The following CDCP2 variants were observed in gnomAD, a reference collection of about 807,000 sequenced individuals.
CDCP2 encodes CUB domain-containing protein 2.
Under a neutral mutation model 31.0 loss-of-function variants are expected in CDCP2, and 31 were observed. The ratio of observed to expected loss-of-function variants is 1.00; its 90% confidence interval spans 0.75 to 1.35. The LOEUF (loss-of-function observed/expected upper bound fraction) is 1.35. CDCP2 is among the 40% of genes most tolerant of loss of function. CDCP2 has a pLI of 0.00. For missense variants in CDCP2, 443 were observed against 482.6 expected, an observed-to-expected ratio of 0.92 and a Z score of 0.77; for synonymous variants, 206 against 207.9, an observed-to-expected ratio of 0.99 and a Z score of 0.08.
intron 1 of CDCP2, among the ~76,000 whole-genome samples, chr1:54,151,289 G>A (rs1005200150): frequency 1.3e-5 from 2 of 152,212 alleles, no homozygotes; most frequent in Admixed American, 1.3e-4. Context: ...CTGCACAGAT[G>A]CACATTATCA....
intron 2 of CDCP2, 134 bp downstream of exon 2, chr1:54,144,332 C>A: frequency 3.9e-6 from 3 of 778,740 alleles, no homozygotes; most frequent in Non-Finnish European, 6.0e-6. Context: ...CATCTCCACC[C>A]CAGGGCCAGC....
intron 2 of CDCP2, chr1:54,143,896 G>C (rs571067252): frequency 6.6e-6 from 1 of 152,428 alleles, no homozygotes; most frequent in East Asian, 1.9e-4. Flanking sequence ...GGTTGAAGGA[G>C]AGAGGGGTTA....
At chr1:54,139,651 G>T in intron 4 of CDCP2, 102 bp downstream of exon 4, 1 of 1,613,604 alleles carries the variant, frequency 6.2e-7, no homozygotes, top group Non-Finnish European at 8.5e-7. Context: ...TTCATGGGGG[G>T]GGCAGGACAA....
chr1:54,146,039 A>G (rs2100429615), intron 1 of CDCP2, among the ~76,000 whole-genome samples: 1 of 152,306 alleles, frequency 6.6e-6, no homozygotes, highest in African/African-American at 2.4e-5. Flanking sequence ...AACCACAACA[A>G]CATCTTAAAG....
At chr1:54,139,782 C>A (rs759128689) in exon 4 of CDCP2, 3 of 1,614,162 alleles carry the variant, frequency 1.9e-6, no homozygotes, top group Non-Finnish European at 2.5e-6. Flanking sequence ...GAAGCCCCTG[C>A]GGGTGGTGCT....
chr1:54,141,539 T>G, intron 2 of CDCP2, 106 bp from the exon 3 acceptor site: 1 of 950,506 alleles, frequency 1.1e-6, no homozygotes, highest in Non-Finnish European at 1.6e-6. Flanking sequence ...GGTATCTCAT[T>G]AGGGCCTCAT....
At chr1:54,133,913 C>CAAACAAACAAAAAAA (rs748829165) in intron 5 of CDCP2, among the ~76,000 whole-genome samples, 4 of 144,878 alleles carry the variant, frequency 2.8e-5, no homozygotes, top group Admixed American at 6.9e-5. Context: ...AACAAACAAA[C>CAAACAAACAAAAAAA]AAAAAAAACC....
At chr1:54,148,342 C>G (rs1659511144) in intron 1 of CDCP2, among the ~76,000 whole-genome samples, 1 of 148,492 alleles carries the variant, frequency 6.7e-6, no homozygotes, top group African/African-American at 2.5e-5. Context: ...CATAGCAAGA[C>G]CCCAACCTCT....
rs1282161484 is a variant in CDCP2 at position 54,144,426 on chromosome 1, T to G, written c.427+40A>C. On this transcript the variant is annotated intron_variant, in intron 2 of 5. Coordinates refer to ENST00000530059, the Ensembl canonical transcript of CDCP2. ...CTTGCCAAAGCACCAGGATTACAGGTGTGAGCCACTGCAACAGGTCCCTAA... is the reference window on the plus strand; with the variant it reads ...CTTGCCAAAGCACCAGGATTACAGGGGTGAGCCACTGCAACAGGTCCCTAA... The G allele has an allele frequency of 3.3e-6, 5 of 1,511,388 alleles. No homozygotes were observed. In the East Asian group the frequency reaches 1.1e-4, roughly 34 times the overall value. The allele number at this position is 1,511,388 out of a possible 1,614,324, so 93.6% of individuals were successfully genotyped here.
chr1:54,139,197 C>A, intron 4 of CDCP2: 1 of 266,768 alleles, frequency 3.7e-6, no homozygotes, highest in East Asian at 8.5e-5. Context: ...GGAGCTATGG[C>A]AGCCATCTTG....
At chr1:54,149,579 C>CT (rs1659540242) in intron 1 of CDCP2, among the ~76,000 whole-genome samples, 1 of 152,220 alleles carries the variant, frequency 6.6e-6, no homozygotes, top group African/African-American at 2.4e-5. Context: ...GAGGCCTTCC[C>CT]TAACCACCTG....
At chr1:54,151,604 C>T (rs1383926809) in intron 1 of CDCP2, among the ~76,000 whole-genome samples, 1 of 152,200 alleles carries the variant, frequency 6.6e-6, no homozygotes, top group South Asian at 2.1e-4. Context: ...CCTCCTCCCA[C>T]CACCCAGGCA....
At chr1:54,133,913 C>CAAACAAACAA (rs748829165) in intron 5 of CDCP2, among the ~76,000 whole-genome samples, 1 of 144,790 alleles carries the variant, frequency 6.9e-6, no homozygotes, top group Non-Finnish European at 1.5e-5. Flanking sequence ...AACAAACAAA[C>CAAACAAACAA]AAAAAAAACC....
At chr1:54,149,459 T>C (rs936869036) in intron 1 of CDCP2, among the ~76,000 whole-genome samples, 3 of 152,116 alleles carry the variant, frequency 2.0e-5, no homozygotes, top group Admixed American at 2.0e-4. Context: ...AGATGATTGA[T>C]GGGGACGTAG....
At chr1:54,145,795 C>G (rs1659458056) in intron 1 of CDCP2, among the ~76,000 whole-genome samples, 1 of 152,132 alleles carries the variant, frequency 6.6e-6, no homozygotes, top group Admixed American at 6.5e-5. Context: ...GCTGGATCTC[C>G]TTAAATGTGC....
At chr1:54,136,153 G>A (rs758652954) in intron 5 of CDCP2, among the ~76,000 whole-genome samples, 14 of 152,176 alleles carry the variant, frequency 9.2e-5, no homozygotes, top group Non-Finnish European at 1.8e-4. Context: ...AATGGATTTG[G>A]ATCACCAGGT....
chr1:54,142,305 T>G (rs1659388230), intron 2 of CDCP2: 1 of 152,254 alleles, frequency 6.6e-6, no homozygotes, highest in Non-Finnish European at 1.5e-5. Context: ...CCTGATGAAG[T>G]AGAGCTTGGT....
intron 1 of CDCP2, among the ~76,000 whole-genome samples, chr1:54,145,882 A>C (rs547371586): frequency 2.0e-5 from 3 of 152,278 alleles, no homozygotes; most frequent in African/African-American, 7.2e-5. Flanking sequence ...AAGTTAAGTA[A>C]CCCCTAAATA....
intron 5 of CDCP2, 135 bp from the exon 6 acceptor site, chr1:54,133,429 T>C: frequency 2.5e-6 from 1 of 397,696 alleles, no homozygotes. Flanking sequence ...TGAGCCTCAG[T>C]GATCCCATCT....
Sources: allele counts gnomAD v4.1 joint callset (sites outside exome capture counted in the v4.1 genomes callset), GRCh38; gene constraint gnomAD v4.1.1; transcripts MANE v1.5; gene names NCBI Gene and HGNC (gene_info 2026-07-23, HGNC 2026-07-21).